Variants in CTNNA2 observed in about 807,000 individuals in gnomAD.
CTNNA2 encodes catenin alpha-2.
CTNNA2 carries 42 observed loss-of-function variants against 101.0 expected under a neutral mutation model. The observed-to-expected ratio is 0.42, with a 90% CI of 0.32 to 0.54. CTNNA2 has a LOEUF of 0.54. CTNNA2 is among the 20% of genes least tolerant of loss of function. The pLI is 0.14. For missense variants in CTNNA2, 871 were observed against 1,223.1 expected, an observed-to-expected ratio of 0.71 and a Z score of 4.29; for synonymous variants, 450 against 456.4, an observed-to-expected ratio of 0.99 and a Z score of 0.18.
intron 7 of CTNNA2, among the ~76,000 whole-genome samples, chr2:80,202,751 C>A (rs989522212): frequency 2.7e-5 from 4 of 150,804 alleles, no homozygotes; most frequent in African/African-American, 4.9e-5. Context: ...AAGAAAAAGA[C>A]AAAGCTACCT....
At chr2:80,038,450 G>C (rs112696666) in intron 7 of CTNNA2, among the ~76,000 whole-genome samples, 1 of 152,158 alleles carries the variant, frequency 6.6e-6, no homozygotes, top group African/African-American at 2.4e-5. Flanking sequence ...GCCGGGCGCG[G>C]TGACTCACGC....
chr2:79,872,542 A>AT (rs919887540), intron 5 of CTNNA2, among the ~76,000 whole-genome samples: 4 of 152,086 alleles, frequency 2.6e-5, no homozygotes, highest in Non-Finnish European at 5.9e-5. Context: ...CTGTTTATCC[A>AT]TTTTCATCTC....
At chr2:79,719,316 A>T (rs12990888) in intron 2 of CTNNA2, among the ~76,000 whole-genome samples, 9,963 of 152,228 alleles carry the variant, frequency 0.065, 412 homozygotes, top group Non-Finnish European at 0.1. Flanking sequence ...TCCACCATTA[A>T]TGGACACCTA....
intron 7 of CTNNA2, among the ~76,000 whole-genome samples, chr2:80,300,386 C>A (rs968522916): frequency 1.3e-5 from 2 of 151,310 alleles, no homozygotes; most frequent in Admixed American, 6.6e-5. Flanking sequence ...CAAAATATTT[C>A]TCTTGAAAGA....
At chr2:79,234,503 C>T (rs1323007364) in intron 2 of CTNNA2, among the ~76,000 whole-genome samples, 4 of 152,098 alleles carry the variant, frequency 2.6e-5, no homozygotes, top group Non-Finnish European at 4.4e-5. Flanking sequence ...AATTTGATGA[C>T]TATGTGCCTT....
chr2:79,919,647 C>T (rs1297536477), intron 7 of CTNNA2, among the ~76,000 whole-genome samples: 1 of 152,168 alleles, frequency 6.6e-6, no homozygotes, highest in African/African-American at 2.4e-5. Context: ...TCAGGGAGAG[C>T]AGCAGGCTGC....
chr2:79,913,305 G>T (rs1477508710), intron 7 of CTNNA2, among the ~76,000 whole-genome samples: 1 of 152,192 alleles, frequency 6.6e-6, no homozygotes, highest in South Asian at 2.1e-4. Flanking sequence ...AGGAGGAAGG[G>T]ATGACAAGGT....
intron 17 of CTNNA2, among the ~76,000 whole-genome samples, chr2:80,609,278 G>A (rs1231561510): frequency 5.3e-5 from 8 of 151,754 alleles, no homozygotes; most frequent in African/African-American, 1.7e-4. Flanking sequence ...TAGAAGTTTG[G>A]CCATTTGGTA....
intron 4 of CTNNA2, among the ~76,000 whole-genome samples, chr2:79,390,945 A>G (rs959795204): frequency 2.6e-5 from 4 of 152,218 alleles, no homozygotes; most frequent in African/African-American, 9.6e-5. Flanking sequence ...AATGAAAAAG[A>G]TAGAAGTTCT....
intron 7 of CTNNA2, among the ~76,000 whole-genome samples, chr2:80,319,223 A>G (rs1056882111): frequency 2.0e-5 from 3 of 152,174 alleles, no homozygotes; most frequent in African/African-American, 7.2e-5. Context: ...AAATTCATCA[A>G]CTACTTTTAA....
chr2:80,477,761 G>GTA (rs1685840556), intron 9 of CTNNA2, among the ~76,000 whole-genome samples: 1 of 147,016 alleles, frequency 6.8e-6, no homozygotes, highest in Non-Finnish European at 1.5e-5. Context: ...GTGTGTGTGT[G>GTA]TATCTCACAT....
At chr2:80,179,424 A>T (rs1300402917) in intron 7 of CTNNA2, among the ~76,000 whole-genome samples, 14 of 151,970 alleles carry the variant, frequency 9.2e-5, no homozygotes, top group Non-Finnish European at 1.8e-4. Flanking sequence ...CCCAGGCTGG[A>T]GTGCAGTGGC....
chr2:80,399,016 C>T (rs912180172), intron 8 of CTNNA2, among the ~76,000 whole-genome samples: 43 of 151,552 alleles, frequency 2.8e-4, no homozygotes, highest in Non-Finnish European at 4.4e-5. Context: ...TAAAGTGATC[C>T]TCTTGCCTCA....
chr2:80,085,651 A>G (rs1324127524), intron 7 of CTNNA2, among the ~76,000 whole-genome samples: 2 of 151,888 alleles, frequency 1.3e-5, no homozygotes, highest in African/African-American at 4.8e-5. Context: ...CCATTATTTC[A>G]TCCTATTTTC....
chr2:79,505,937 G>C (rs1671403139), intron 5 of CTNNA2, among the ~76,000 whole-genome samples: 1 of 152,198 alleles, frequency 6.6e-6, no homozygotes, highest in Admixed American at 6.5e-5. Flanking sequence ...AAATTGTCTT[G>C]AATGGAGGAA....
intron 3 of CTNNA2, among the ~76,000 whole-genome samples, chr2:79,789,129 C>T (rs1221705991): frequency 3.9e-5 from 6 of 152,124 alleles, no homozygotes; most frequent in African/African-American, 1.4e-4. Flanking sequence ...GTGTAAAGTA[C>T]ACAACAGAGA....
At chr2:79,245,061 C>G (rs192679080) in intron 2 of CTNNA2, among the ~76,000 whole-genome samples, 28 of 151,644 alleles carry the variant, frequency 1.8e-4, no homozygotes, top group Non-Finnish European at 2.8e-4. Flanking sequence ...CACCATTACA[C>G]TCCAGCCTGG....
chr2:79,964,586 T>G (rs954154283), intron 7 of CTNNA2, among the ~76,000 whole-genome samples: 1 of 152,220 alleles, frequency 6.6e-6, no homozygotes, highest in African/African-American at 2.4e-5. Flanking sequence ...AAGATGTGCC[T>G]TATTCCGTGA....
chr2:79,471,620 C>T (rs189069486), intron 4 of CTNNA2, among the ~76,000 whole-genome samples: 5 of 152,196 alleles, frequency 3.3e-5, no homozygotes, highest in East Asian at 1.9e-4. Context: ...AGGTGGATCA[C>T]GAGATCAGGA....
Sources: allele counts gnomAD v4.1 joint callset (sites outside exome capture counted in the v4.1 genomes callset), GRCh38; gene constraint gnomAD v4.1.1; transcripts MANE v1.5; gene names NCBI Gene and HGNC (gene_info 2026-07-23, HGNC 2026-07-21).